The following CGNL1 variants were observed in gnomAD, a reference collection of about 807,000 sequenced individuals.
CGNL1 encodes the protein cingulin-like protein 1.
In CGNL1, 132 loss-of-function variants were observed where a neutral mutation model predicts 141.2. That is an observed-to-expected ratio of 0.93 (90% CI 0.81 to 1.08). CGNL1 has a LOEUF of 1.08. Among genes scored for constraint, CGNL1 ranks in the 50% least tolerant of loss-of-function variants. The pLI is 0.00. For missense variants in CGNL1, 1,870 were observed against 1,588.6 expected, an observed-to-expected ratio of 1.18 and a Z score of -3.01; for synonymous variants, 690 against 622.1, an observed-to-expected ratio of 1.11 and a Z score of -1.63.
chr15:57,502,430 G>A (rs556728660), intron 8 of CGNL1, among the ~76,000 whole-genome samples: 16 of 152,300 alleles, frequency 1.1e-4, no homozygotes, highest in Non-Finnish European at 2.1e-4. Context: ...AAGGTGGAAG[G>A]AAGTGTTAGA....
At chr15:57,480,829 C>CATT (rs2063715959) in intron 8 of CGNL1, among the ~76,000 whole-genome samples, 1 of 152,168 alleles carries the variant, frequency 6.6e-6, no homozygotes, top group Non-Finnish European at 1.5e-5. Flanking sequence ...GAACTTGGGG[C>CATT]ATTACTCAGT....
intron 17 of CGNL1, 122 bp downstream of exon 17, chr15:57,545,822 C>A: frequency 1.2e-6 from 1 of 836,616 alleles, no homozygotes; most frequent in Non-Finnish European, 1.9e-6. Context: ...CCTCCCTTTC[C>A]ACGCACCCAG....
chr15:57,395,821 C>T (rs772105529), intron 1 of CGNL1, among the ~76,000 whole-genome samples: 1 of 152,174 alleles, frequency 6.6e-6, no homozygotes, highest in Non-Finnish European at 1.5e-5. Flanking sequence ...CAAGACCATG[C>T]AGCTGGTAAG....
chr15:57,455,328 A>G (rs1403791113), intron 7 of CGNL1, among the ~76,000 whole-genome samples: 1 of 152,216 alleles, frequency 6.6e-6, no homozygotes, highest in African/African-American at 2.4e-5. Context: ...TTCATGAACA[A>G]ATTTAAATAG....
chr15:57,402,265 G>T (rs183328294), intron 1 of CGNL1, among the ~76,000 whole-genome samples: 1 of 152,318 alleles, frequency 6.6e-6, no homozygotes, highest in African/African-American at 2.4e-5. Flanking sequence ...TGGCACCTCT[G>T]TTGCTCCTGC....
chr15:57,547,800 C>T lies in CGNL1; in HGVS notation c.*310C>T, dbSNP rs931497724. ...GCCACTATTTGCATTGCTGTCCCTGCCCCCTCATCACTCCCCCTGCCAAGA... is the reference window on the plus strand; with the variant it reads ...GCCACTATTTGCATTGCTGTCCCTGTCCCCTCATCACTCCCCCTGCCAAGA... On this transcript the variant is annotated 3_prime_UTR_variant, in exon 19 of 19. Coordinates refer to ENST00000281282, the MANE Select transcript of CGNL1 (RefSeq NM_032866.5). 6 of 305,876 alleles carry T rather than the reference C, an allele frequency of 2.0e-5. No individual in the cohort carries two copies. Among genetic ancestry groups the T allele is most frequent in the Admixed American group, 1.0e-4 (2 of 19,972 alleles). The allele number at this position is 305,876 out of a possible 1,614,324, so 18.9% of individuals were successfully genotyped here. A position where few individuals can be genotyped will look rare whatever the true frequency, so the allele number is the denominator to read the frequency against.
intron 16 of CGNL1, among the ~76,000 whole-genome samples, chr15:57,545,208 C>T (rs945864058): frequency 2.6e-5 from 4 of 152,178 alleles, no homozygotes; most frequent in Non-Finnish European, 4.4e-5. Context: ...CGTGGTGTGC[C>T]GGCATTTGAC....
rs72168222 is a variant in CGNL1 at position 57,475,492 on chromosome 15, G to GGTGTGTGT, written c.2403+13637_2403+13644dup. Among the ~76,000 whole-genome samples, 516 of 147,902 alleles carry GGTGTGTGT rather than the reference G, an allele frequency of 3.5e-3. 4 individuals carry two copies. The highest frequency in any genetic ancestry group is 0.012 in the African/African-American group (491 of 39,674). ...CTGGGATCTATGTATATACAAGTGT[G>GGTGTGTGT]GTGTGTGTGTGTGTGTGTGTGTGTG... On this transcript the variant is annotated intron_variant, in intron 8 of 18. Transcript: ENST00000281282.
intron 1 of CGNL1, among the ~76,000 whole-genome samples, chr15:57,437,600 C>T (rs1197066694): frequency 1.1e-4 from 4 of 35,014 alleles, no homozygotes; most frequent in Non-Finnish European, 1.8e-4. Context: ...CATAAAGTTT[C>T]AGGAAACCAA....
intron 1 of CGNL1, among the ~76,000 whole-genome samples, chr15:57,414,661 AAAC>A (rs10527352): frequency 7.3e-5 from 11 of 151,356 alleles, no homozygotes; most frequent in East Asian, 3.9e-4. Context: ...TTTAAAACCA[AAAC>A]AACAACAACA....
At chr15:57,427,925 G>A (rs1473464612) in intron 1 of CGNL1, among the ~76,000 whole-genome samples, 2 of 152,148 alleles carry the variant, frequency 1.3e-5, no homozygotes, top group Non-Finnish European at 2.9e-5. Flanking sequence ...TTAAATATTG[G>A]GGCTGGAGAT....
At chr15:57,547,161 C>T (rs1317605896) in intron 18 of CGNL1, among the ~76,000 whole-genome samples, 194 bp from the exon 19 acceptor site, 4 of 152,206 alleles carry the variant, frequency 2.6e-5, no homozygotes, top group Admixed American at 1.3e-4. Flanking sequence ...ACAGGCTTTC[C>T]GTGCCGAAAT....
At chr15:57,523,452 G>C (rs755345257) in intron 10 of CGNL1, 37 bp from the exon 11 acceptor site, 2 of 1,610,970 alleles carry the variant, frequency 1.2e-6, no homozygotes, top group South Asian at 1.1e-5. Context: ...TACCTGGTTA[G>C]TAGGTGACAG....
intron 8 of CGNL1, among the ~76,000 whole-genome samples, chr15:57,477,967 C>A (rs1450215524): frequency 6.6e-6 from 1 of 152,204 alleles, no homozygotes; most frequent in African/African-American, 2.4e-5. Flanking sequence ...TACTTTGCCC[C>A]TGTGTAGCCA....
At chr15:57,437,952 A>C (rs779569537) in intron 1 of CGNL1, 33 bp from the exon 2 acceptor site, 1 of 1,542,900 alleles carries the variant, frequency 6.5e-7, no homozygotes, top group East Asian at 2.2e-5. Context: ...TTCTAACCTA[A>C]TGTCCTCTTT....
intron 1 of CGNL1, among the ~76,000 whole-genome samples, chr15:57,399,101 G>A (rs1163439127): frequency 2.6e-5 from 4 of 152,210 alleles, no homozygotes; most frequent in African/African-American, 7.2e-5. Context: ...GCTCAGAGAG[G>A]TGGAGGAGGT....
At chr15:57,513,253 G>GGGGTGT (rs1555446881) in intron 8 of CGNL1, among the ~76,000 whole-genome samples, 119 of 134,002 alleles carry the variant, frequency 8.9e-4, no homozygotes, top group African/African-American at 3.1e-3. Context: ...TGTCAATATG[G>GGGGTGT]GTGTGTGTGT....
At chr15:57,473,859 C>T (rs1367462773) in intron 8 of CGNL1, among the ~76,000 whole-genome samples, 1 of 150,038 alleles carries the variant, frequency 6.7e-6, no homozygotes, top group Non-Finnish European at 1.5e-5. Context: ...TGAGCCAGAA[C>T]TGCCTGATTG....
chr15:57,424,508 A>C (rs558703605), intron 1 of CGNL1, among the ~76,000 whole-genome samples: 1 of 152,360 alleles, frequency 6.6e-6, no homozygotes, highest in East Asian at 1.9e-4. Context: ...GGATCTTGGT[A>C]AGAACTTGTT....
Sources: gnomAD v4.1 joint callset for allele counts (sites outside exome capture counted in the v4.1 genomes callset) on GRCh38, gnomAD v4.1.1 for gene constraint, MANE v1.5 for transcripts, NCBI Gene and HGNC (gene_info 2026-07-23, HGNC 2026-07-21) for gene names.